Variants in DENND1B observed in about 807,000 individuals in gnomAD.
DENND1B encodes the protein DENN domain-containing protein 1B.
Under a neutral mutation model 90.1 loss-of-function variants are expected in DENND1B, and 59 were observed. The ratio of observed to expected loss-of-function variants is 0.65; its 90% confidence interval spans 0.53 to 0.81. DENND1B has a LOEUF of 0.81. Ranked by LOEUF, DENND1B falls within the 40% of genes least tolerant of loss-of-function variation. The probability of loss-of-function intolerance (pLI) is 0.00; values close to 1 mark genes in which losing one functional copy is unlikely to be tolerated. For missense variants in DENND1B, 862 were observed against 912.6 expected (o/e 0.94, Z 0.71); for synonymous variants, 337 against 324.6 (o/e 1.04, Z -0.41).
intron 20 of DENND1B, among the ~76,000 whole-genome samples, chr1:197,529,833 A>G (rs1669491526): frequency 1.3e-5 from 2 of 152,268 alleles, no homozygotes; most frequent in Admixed American, 1.3e-4. Context: ...AAAGAACATA[A>G]GTACATAGGA....
intron 2 of DENND1B, among the ~76,000 whole-genome samples, chr1:197,747,946 A>T (rs1486220563): frequency 6.6e-6 from 1 of 152,214 alleles, no homozygotes; most frequent in Non-Finnish European, 1.5e-5. Flanking sequence ...GTCTTCTGAT[A>T]GCATCAATGA....
At chr1:197,715,965 A>G (rs1333706169) in intron 2 of DENND1B, among the ~76,000 whole-genome samples, 2 of 151,756 alleles carry the variant, frequency 1.3e-5, no homozygotes, top group Admixed American at 6.6e-5. Context: ...TTGAAAGCCC[A>G]AGATAAGACT....
chr1:197,597,988 G>A (rs762650665), intron 13 of DENND1B, among the ~76,000 whole-genome samples: 12 of 151,650 alleles, frequency 7.9e-5, no homozygotes, highest in African/African-American at 1.2e-4. Context: ...AAAATATATC[G>A]TTAACATTAA....
intron 13 of DENND1B, among the ~76,000 whole-genome samples, chr1:197,603,758 T>C (rs1255599446): frequency 6.6e-6 from 1 of 151,200 alleles, no homozygotes; most frequent in Non-Finnish European, 1.5e-5. Flanking sequence ...AAAACGTTAA[T>C]GATAAAAATT....
At chr1:197,596,697 A>G (rs1038380086) in intron 13 of DENND1B, among the ~76,000 whole-genome samples, 5 of 151,860 alleles carry the variant, frequency 3.3e-5, no homozygotes, top group Admixed American at 1.3e-4. Context: ...ATGCACACAT[A>G]TATCTATGCA....
At chr1:197,696,893 C>CAAAAAAAAAAAA (rs533976295) in intron 3 of DENND1B, among the ~76,000 whole-genome samples, 1 of 106,944 alleles carries the variant, frequency 9.4e-6, no homozygotes. Flanking sequence ...CAGAGACATG[C>CAAAAAAAAAAAA]AAAAAAAAAA....
intron 3 of DENND1B, among the ~76,000 whole-genome samples, chr1:197,675,525 ACT>A (rs1254954160): frequency 6.6e-6 from 1 of 152,006 alleles, no homozygotes; most frequent in Non-Finnish European, 1.5e-5. Context: ...ATGAGCACAG[ACT>A]CTATATTAAG....
At position 197,679,406 on chromosome 1, in the gene DENND1B, T is replaced by C. The variant is rs186253189; in HGVS notation, c.127-5237A>G. Among the ~76,000 whole-genome samples the C allele has an allele frequency of 1.4e-4, 21 of 151,530 alleles. No individual in the cohort carries two copies. The East Asian group carries it at 2.5e-3, about 18-fold the overall frequency. ...AAAAACCAATATACTATAACAACTA[T>C]TAATAGAGCATTTACACTGTATTAG... On this transcript the variant is annotated intron_variant, in intron 3 of 22. Transcript: ENST00000620048.
intron 6 of DENND1B, 120 bp downstream of exon 6, chr1:197,658,180 T>C: frequency 1.3e-6 from 1 of 797,476 alleles, no homozygotes. Context: ...TATTGATGAT[T>C]GCAGATCAAC....
At chr1:197,546,642 T>C in intron 17 of DENND1B, 91 bp downstream of exon 17, 7 of 1,057,742 alleles carry the variant, frequency 6.6e-6, no homozygotes, top group Non-Finnish European at 9.4e-6. Context: ...ATATTTCAAA[T>C]AAACAGCATA....
rs919296573 is a variant in DENND1B, at chr1:197,506,285, G to A, written c.*4175C>T. The stretch of plus-strand genomic sequence containing the variant: ...TTCATCAAATCACGTTAACTGACTT[G>A]CTCAAAACCACTCTGCCTCTTAAAT... On this transcript the variant is annotated 3_prime_UTR_variant, in exon 23 of 23. Coordinates refer to ENST00000620048, the MANE Select transcript of DENND1B (RefSeq NM_001195215.2). 1.3e-5 allele frequency: 2 copies of A among 151,434 alleles called. No homozygotes were observed. The highest frequency in any genetic ancestry group is 2.4e-5 in the African/African-American group (1 of 41,348). The allele number at this position is 151,434 out of a possible 1,614,324, so 9.4% of individuals were successfully genotyped here. A position where few individuals can be genotyped will look rare whatever the true frequency, so the allele number is the denominator to read the frequency against.
chr1:197,625,880 T>C (rs1678657717), intron 10 of DENND1B, among the ~76,000 whole-genome samples: 2 of 152,070 alleles, frequency 1.3e-5, no homozygotes, highest in Non-Finnish European at 2.9e-5. Context: ...TCCTAGTCTC[T>C]GATAAAACAT....
chr1:197,668,062 G>T (rs1370746956), intron 5 of DENND1B, among the ~76,000 whole-genome samples: 1 of 152,024 alleles, frequency 6.6e-6, no homozygotes, highest in Admixed American at 6.5e-5. Flanking sequence ...TTATGTGTTA[G>T]CTATTTCTTA....
At chr1:197,556,900 A>G (rs1671765601) in intron 15 of DENND1B, among the ~76,000 whole-genome samples, 1 of 151,942 alleles carries the variant, frequency 6.6e-6, no homozygotes, top group Non-Finnish European at 1.5e-5. Flanking sequence ...TGTCTTTCAC[A>G]TGTATGCATC....
At chr1:197,658,203 A>T in intron 6 of DENND1B, 97 bp downstream of exon 6, 1 of 960,568 alleles carries the variant, frequency 1.0e-6, no homozygotes, top group Non-Finnish European at 1.7e-6. Flanking sequence ...TAATGTACTT[A>T]ATGTCACAAA....
chr1:197,693,473 T>C (rs1360106906), intron 3 of DENND1B, among the ~76,000 whole-genome samples: 1 of 151,684 alleles, frequency 6.6e-6, no homozygotes, highest in Non-Finnish European at 1.5e-5. Flanking sequence ...AATATTTTTA[T>C]GAAATATCAT....
intron 5 of DENND1B, among the ~76,000 whole-genome samples, chr1:197,660,102 GAAGA>G (rs1400446903): frequency 6.6e-6 from 1 of 151,490 alleles, no homozygotes; most frequent in East Asian, 1.9e-4. Flanking sequence ...TTTTAGACAG[GAAGA>G]AAGAGCTTTA....
intron 7 of DENND1B, among the ~76,000 whole-genome samples, chr1:197,651,642 CT>C (rs1653190004): frequency 7.9e-6 from 1 of 127,024 alleles, no homozygotes; most frequent in African/African-American, 3.0e-5. Flanking sequence ...AAAATCAATG[CT>C]TCTTTTTTTT....
At chr1:197,715,730 TATAA>T (rs899696390) in intron 2 of DENND1B, among the ~76,000 whole-genome samples, 12 of 151,886 alleles carry the variant, frequency 7.9e-5, no homozygotes, top group African/African-American at 2.4e-4. Flanking sequence ...CAATATTGTT[TATAA>T]ATATTCACAC....
Sources: gnomAD v4.1 joint callset for allele counts (sites outside exome capture counted in the v4.1 genomes callset) on GRCh38, gnomAD v4.1.1 for gene constraint, MANE v1.5 for transcripts, NCBI Gene and HGNC (gene_info 2026-07-23, HGNC 2026-07-21) for gene names.